MGMT: variants seen among roughly 807,000 people sequenced by gnomAD.
MGMT encodes methylated-DNA--protein-cysteine methyltransferase.
Under a neutral mutation model 15.9 loss-of-function variants are expected in MGMT, and 14 were observed. The observed-to-expected ratio is 0.88, with a 90% confidence interval of 0.58 to 1.37. The LOEUF (loss-of-function observed/expected upper bound fraction) is 1.37, where lower values mean the gene tolerates loss of function less well. Among genes scored for constraint, MGMT ranks in the 40% most tolerant of loss-of-function variants. The pLI is 0.00. For missense variants in MGMT, 282 were observed against 268.1 expected (o/e 1.05, Z -0.36); for synonymous variants, 130 against 118.2 (o/e 1.10, Z -0.65).
intron 2 of MGMT, among the ~76,000 whole-genome samples, chr10:129,704,717 C>T (rs1401565264): frequency 6.6e-6 from 1 of 152,012 alleles, no homozygotes; most frequent in Non-Finnish European, 1.5e-5. Context: ...CTCTGACCAC[C>T]CTCCTGCTCC....
intron 2 of MGMT, among the ~76,000 whole-genome samples, chr10:129,682,554 G>T (rs186553438): frequency 6.6e-6 from 1 of 151,962 alleles, no homozygotes; most frequent in African/African-American, 2.4e-5. Flanking sequence ...CTGGGGTTTT[G>T]TGCATGTAAA....
At chr10:129,673,905 C>G (rs1179194255) in intron 2 of MGMT, among the ~76,000 whole-genome samples, 1 of 152,100 alleles carries the variant, frequency 6.6e-6, no homozygotes, top group African/African-American at 2.4e-5. Context: ...AAACCCAGTC[C>G]TTTTACTAAT....
At chr10:129,745,138 G>A (rs1374571196) in intron 3 of MGMT, among the ~76,000 whole-genome samples, 1 of 152,148 alleles carries the variant, frequency 6.6e-6, no homozygotes, top group South Asian at 2.1e-4. Context: ...CTTTTAAATA[G>A]GAAATACTGG....
At chr10:129,632,589 G>C (rs370105423) in intron 2 of MGMT, among the ~76,000 whole-genome samples, 7 of 152,210 alleles carry the variant, frequency 4.6e-5, no homozygotes, top group African/African-American at 1.7e-4. Flanking sequence ...TGCTGCGTAC[G>C]TGTCAGGCAC....
intron 3 of MGMT, among the ~76,000 whole-genome samples, chr10:129,728,004 C>T (rs1203116578): frequency 6.6e-6 from 1 of 152,108 alleles, no homozygotes; most frequent in Non-Finnish European, 1.5e-5. Context: ...TGCCAGCCTC[C>T]CTCCAGGCCA....
Position 129,566,942 on chromosome 10 carries a change from G to A in MGMT, c.125+30565G>A, listed in dbSNP as rs987349453. Among the ~76,000 whole-genome samples the A allele has an allele frequency of 2.0e-5, 3 of 152,138 alleles. No homozygotes were observed. The highest frequency in any genetic ancestry group is 4.4e-5 in the Non-Finnish European group (3 of 68,032). The stretch of plus-strand genomic sequence containing the variant: ...CATCAATGGAGATCAATACCCAGGA[G>A]GTGCCATCTCTCTTGGCGGGTGACA... On this transcript the variant is annotated intron_variant, in intron 2 of 4. Transcript: ENST00000651593. This position sits in a 1 kb window ranked among gnomAD's most constrained non-coding sequence, Gnocchi z 4.1.
intron 2 of MGMT, among the ~76,000 whole-genome samples, chr10:129,557,794 A>T (rs1231223710): frequency 2.6e-5 from 4 of 152,166 alleles, no homozygotes; most frequent in African/African-American, 9.7e-5. Flanking sequence ...ATTAGATTTG[A>T]TGAGTGTGGA....
chr10:129,677,766 G>C (rs944756420), intron 2 of MGMT, among the ~76,000 whole-genome samples: 3 of 152,178 alleles, frequency 2.0e-5, no homozygotes, highest in Non-Finnish European at 4.4e-5. Flanking sequence ...CAGGTGAAGG[G>C]TGTGGGCCAG....
chr10:129,652,201 C>T (rs1268240850), intron 2 of MGMT, among the ~76,000 whole-genome samples: 1 of 152,244 alleles, frequency 6.6e-6, no homozygotes, highest in African/African-American at 2.4e-5. Flanking sequence ...TGCTTCCCCG[C>T]CACTCGGGGG....
chr10:129,550,726 G>A (rs536254612), intron 2 of MGMT, among the ~76,000 whole-genome samples: 11 of 152,232 alleles, frequency 7.2e-5, no homozygotes, highest in East Asian at 1.9e-4. Flanking sequence ...GATTACAGGC[G>A]TGAGCCACCG....
In MGMT at chr10:129,522,123, A is replaced by C. The variant is rs183497608; in HGVS notation, c.-12-14118A>C. ...GGTAAGGGTGAGTGGGAGATAAAGA[A>C]GCCATCAGAATGCTGCTGAGTCTGG... is the stretch of plus-strand genomic sequence containing the variant. On this transcript the variant is annotated intron_variant, in intron 1 of 4. Coordinates refer to ENST00000651593, the MANE Select transcript of MGMT (RefSeq NM_002412.5). 2.5e-3 allele frequency among the ~76,000 whole-genome samples: 355 copies of C among 140,622 alleles called. 1 individual carries two copies. The highest frequency in any genetic ancestry group is 3.7e-3 in the Non-Finnish European group (245 of 65,344). 92.3% of individuals were successfully genotyped at this position (140,622 alleles called of 152,430 possible).
At chr10:129,498,172 A>T (rs1262630890) in intron 1 of MGMT, among the ~76,000 whole-genome samples, 1 of 152,206 alleles carries the variant, frequency 6.6e-6, no homozygotes, top group Admixed American at 6.5e-5. Flanking sequence ...CTCAGAAGTG[A>T]TGTGCCCCCT....
intron 2 of MGMT, among the ~76,000 whole-genome samples, chr10:129,628,010 G>A (rs979337352): frequency 1.3e-5 from 2 of 152,158 alleles, no homozygotes; most frequent in Non-Finnish European, 2.9e-5. Context: ...CGTCTGGCTG[G>A]TGTTTAAAAC....
At chr10:129,710,883 A>G (rs1164159793) in intron 3 of MGMT, among the ~76,000 whole-genome samples, 1 of 152,108 alleles carries the variant, frequency 6.6e-6, no homozygotes, top group African/African-American at 2.4e-5. Flanking sequence ...GCACATTTTA[A>G]TTTCTGTATA....
chr10:129,486,623 C>T (rs1845411853), intron 1 of MGMT, among the ~76,000 whole-genome samples: 1 of 152,142 alleles, frequency 6.6e-6, no homozygotes, highest in African/African-American at 2.4e-5. Context: ...AACTGACTTT[C>T]TGTTAAGAAA....
At chr10:129,506,303 C>A (rs1173868214) in intron 1 of MGMT, among the ~76,000 whole-genome samples, 1 of 152,244 alleles carries the variant, frequency 6.6e-6, no homozygotes, top group East Asian at 1.9e-4. Context: ...CTGGCCCCAC[C>A]CCGGATTTCC....
chr10:129,602,606 G>A (rs1407872104), intron 2 of MGMT, among the ~76,000 whole-genome samples: 8 of 152,092 alleles, frequency 5.3e-5, no homozygotes, highest in East Asian at 1.9e-4. Context: ...CTGTCCTTTC[G>A]GCTTCAGGTA....
chr10:129,708,692 A>G (rs60123970), intron 3 of MGMT, among the ~76,000 whole-genome samples: 5,115 of 152,284 alleles, frequency 0.034, 216 homozygotes, highest in African/African-American at 0.1. Flanking sequence ...TTCCAGACAC[A>G]TGCCAGAAAT....
At chr10:129,764,654 C>CT (rs1848912561) in intron 4 of MGMT, among the ~76,000 whole-genome samples, 1 of 152,352 alleles carries the variant, frequency 6.6e-6, no homozygotes, top group East Asian at 1.9e-4. Context: ...AATCATTTCT[C>CT]TGTTGAGCTG....
Sources: gnomAD v4.1 joint callset for allele counts (sites outside exome capture counted in the v4.1 genomes callset) on GRCh38, gnomAD v4.1.1 for gene constraint, Gnocchi (gnomAD v3.1) non-coding constraint, MANE v1.5 for transcripts, NCBI Gene and HGNC (gene_info 2026-07-23, HGNC 2026-07-21) for gene names.